DOK6: variants seen among roughly 807,000 people sequenced by gnomAD.
DOK6 encodes the protein docking protein 6.
DOK6 carries 22 observed loss-of-function variants against 44.0 expected under a neutral mutation model. The ratio of observed to expected loss-of-function variants is 0.50; its 90% CI spans 0.36 to 0.71. The LOEUF (loss-of-function observed/expected upper bound fraction) is 0.71. Ranked by LOEUF, DOK6 falls within the 30% of genes least tolerant of loss-of-function variation. DOK6 has a pLI of 0.00. For synonymous variants in DOK6, 166 were observed against 145.5 expected, an observed-to-expected ratio of 1.14 and a Z score of -1.01; for missense variants, 340 against 416.4, an observed-to-expected ratio of 0.82 and a Z score of 1.60.
intron 3 of DOK6, among the ~76,000 whole-genome samples, chr18:69,607,849 G>A (rs1480188260): frequency 6.6e-6 from 1 of 152,078 alleles, no homozygotes; most frequent in Admixed American, 6.5e-5. Context: ...CACAAGCAGA[G>A]TCACTACACA....
chr18:69,667,128 C>G (rs1344721109), intron 3 of DOK6, among the ~76,000 whole-genome samples: 4 of 152,112 alleles, frequency 2.6e-5, no homozygotes, highest in Non-Finnish European at 4.4e-5. Context: ...TCTCCTGCCT[C>G]TTTCATCTCT....
intron 1 of DOK6, among the ~76,000 whole-genome samples, chr18:69,410,058 A>T (rs1033526858): frequency 2.0e-5 from 3 of 152,238 alleles, no homozygotes; most frequent in African/African-American, 7.2e-5. Context: ...GTACCAAGTC[A>T]TGATACTGAA....
At chr18:69,773,373 G>A (rs11874101) in intron 7 of DOK6, among the ~76,000 whole-genome samples, 19,530 of 151,882 alleles carry the variant, frequency 0.13, 1,441 homozygotes, top group Middle Eastern at 0.2. Flanking sequence ...GTAGGATCTC[G>A]AAGCGATATT....
At chr18:69,811,471 T>A (rs1054505006) in intron 7 of DOK6, among the ~76,000 whole-genome samples, 1 of 148,160 alleles carries the variant, frequency 6.7e-6, no homozygotes, top group Admixed American at 6.7e-5. Context: ...TATAAAAAAA[T>A]GTTAAGTATG....
rs891381890 is a variant in DOK6 at position 69,637,749 on chromosome 18, C to A, written c.289+38251C>A. Among the ~76,000 whole-genome samples the A allele has an allele frequency of 2.6e-5, 4 of 151,860 alleles. No homozygotes were observed. The South Asian group carries it at 6.3e-4, about 24-fold the overall frequency. On this transcript the variant is annotated intron_variant, in intron 3 of 7. Transcript: ENST00000382713. Reference sequence around the variant, plus strand: ...AATATTCTCTCTCTTTTTTTTTAAACCAGCAAAGGGGTAGAGAGCTGCCTT... The same window carrying A: ...AATATTCTCTCTCTTTTTTTTTAAAACAGCAAAGGGGTAGAGAGCTGCCTT...
At chr18:69,494,204 G>T (rs1032031640) in intron 1 of DOK6, among the ~76,000 whole-genome samples, 2 of 152,208 alleles carry the variant, frequency 1.3e-5, no homozygotes, top group African/African-American at 4.8e-5. Flanking sequence ...GGCCAGGCTT[G>T]GTGGCTCATG....
At chr18:69,691,695 T>C (rs540970382) in intron 4 of DOK6, among the ~76,000 whole-genome samples, 1 of 152,264 alleles carries the variant, frequency 6.6e-6, no homozygotes, top group South Asian at 2.1e-4. Flanking sequence ...CCACATTCAG[T>C]GGGACAAGTG....
At chr18:69,546,122 A>T (rs1462684185) in intron 1 of DOK6, among the ~76,000 whole-genome samples, 2 of 151,122 alleles carry the variant, frequency 1.3e-5, no homozygotes, top group Non-Finnish European at 3.0e-5. Flanking sequence ...TAATAAAAAT[A>T]CAAAATTAGC....
At chr18:69,566,165 T>C (rs994466726) in intron 2 of DOK6, among the ~76,000 whole-genome samples, 3 of 151,920 alleles carry the variant, frequency 2.0e-5, no homozygotes, top group African/African-American at 7.3e-5. Flanking sequence ...ATAGACGGAG[T>C]CTGGCTCTGT....
At chr18:69,794,744 C>A (rs1599329251) in intron 7 of DOK6, among the ~76,000 whole-genome samples, 1 of 152,164 alleles carries the variant, frequency 6.6e-6, no homozygotes. Flanking sequence ...TGCAGCCGCT[C>A]CCCATCACTC....
intron 1 of DOK6, among the ~76,000 whole-genome samples, chr18:69,474,829 A>G (rs771368661): frequency 6.6e-6 from 1 of 152,210 alleles, no homozygotes; most frequent in African/African-American, 2.4e-5. Flanking sequence ...GCAAATGGAT[A>G]TAACCCCTTT....
At chr18:69,488,699 G>A (rs1244499197) in intron 1 of DOK6, among the ~76,000 whole-genome samples, 1 of 152,068 alleles carries the variant, frequency 6.6e-6, no homozygotes, top group East Asian at 1.9e-4. Context: ...ACTATCAGAA[G>A]AACAGCAAGG....
intron 1 of DOK6, among the ~76,000 whole-genome samples, chr18:69,526,860 C>T (rs1045243955): frequency 3.9e-5 from 6 of 152,098 alleles, no homozygotes; most frequent in South Asian, 2.1e-4. Context: ...TACATATATC[C>T]GTAAATATTT....
Position 69,636,669 on chromosome 18 carries a change from T to C in DOK6, c.289+37171T>C, listed in dbSNP as rs533741202. Among the ~76,000 whole-genome samples the C allele has an allele frequency of 3.9e-5, 6 of 152,366 alleles. No individual in the cohort carries two copies. In the South Asian group the frequency reaches 8.3e-4, roughly 21 times the overall value. ...TTTGCTGTCTTCAAAGATCTGCTTA[T>C]GTTCCCTCTCACTTCTGCTAGCTGC... On this transcript the variant is annotated intron_variant, in intron 3 of 7. Coordinates refer to ENST00000382713, the MANE Select transcript of DOK6 (RefSeq NM_152721.6).
At chr18:69,658,600 T>C (rs1311913009) in intron 3 of DOK6, among the ~76,000 whole-genome samples, 3 of 152,194 alleles carry the variant, frequency 2.0e-5, no homozygotes, top group Admixed American at 1.3e-4. Context: ...CTCATTTTCA[T>C]GATCAAAAAT....
At chr18:69,426,913 G>T (rs1978654095) in intron 1 of DOK6, among the ~76,000 whole-genome samples, 1 of 151,870 alleles carries the variant, frequency 6.6e-6, no homozygotes, top group Admixed American at 6.6e-5. Context: ...GTGTAATGGG[G>T]GCTTGTTTTA....
chr18:69,702,183 G>A (rs2144706671), intron 5 of DOK6, among the ~76,000 whole-genome samples: 1 of 143,016 alleles, frequency 7.0e-6, no homozygotes, highest in South Asian at 2.2e-4. Flanking sequence ...CATCAAGAGT[G>A]TTAGTGGTAC....
chr18:69,627,569 C>T lies in DOK6; in HGVS notation c.289+28071C>T, dbSNP rs1022088230. The stretch of plus-strand genomic sequence containing the variant: ...GTTCACGCCATTCTCCTGCTTCGGC[C>T]TCCCAAGTAGCTGGGACTGCAGGCG... On this transcript the variant is annotated intron_variant, in intron 3 of 7. Transcript: ENST00000382713. Among the ~76,000 whole-genome samples the T allele has an allele frequency of 1.1e-4, 16 of 152,160 alleles. No individual in the cohort carries two copies. The South Asian group carries it at 1.2e-3, about 12-fold the overall frequency.
chr18:69,562,310 G>C (rs1982853943), intron 1 of DOK6, among the ~76,000 whole-genome samples: 1 of 151,956 alleles, frequency 6.6e-6, no homozygotes, highest in African/African-American at 2.4e-5. Context: ...TTAAGATTCA[G>C]ACGTGTCAGG....
Sources: allele counts gnomAD v4.1 joint callset (sites outside exome capture counted in the v4.1 genomes callset), GRCh38; gene constraint gnomAD v4.1.1; transcripts MANE v1.5; gene names NCBI Gene and HGNC (gene_info 2026-07-23, HGNC 2026-07-21).